Variants in SMC3 observed in about 807,000 individuals in gnomAD.
SMC3 encodes structural maintenance of chromosomes protein 3.
Under a neutral mutation model 171.8 loss-of-function variants are expected in SMC3, and 20 were observed. That is an observed-to-expected ratio of 0.12 (90% CI 0.08 to 0.17). The LOEUF (loss-of-function observed/expected upper bound fraction) is 0.17, where lower values mean the gene tolerates loss of function less well. Among genes scored for constraint, SMC3 ranks in the 10% least tolerant of loss-of-function variants. The probability of loss-of-function intolerance (pLI) is 1.00; values close to 1 mark genes in which losing one functional copy is unlikely to be tolerated. For missense variants in SMC3, 543 were observed against 1,420.4 expected (o/e 0.38, Z 9.93); for synonymous variants, 464 against 451.1 (o/e 1.03, Z -0.36).
chr10:110,593,297 C>T (rs1448492188), intron 18 of SMC3, 74 bp downstream of exon 18: 26 of 1,464,094 alleles, frequency 1.8e-5, no homozygotes, highest in Middle Eastern at 1.8e-4. Context: ...TCTGGCTGGG[C>T]GCAGTGGCTC....
intron 13 of SMC3, 47 bp downstream of exon 13, chr10:110,584,443 A>G (rs767108864): frequency 7.2e-7 from 1 of 1,383,342 alleles, no homozygotes; most frequent in South Asian, 1.2e-5. Flanking sequence ...AGAAGAGATA[A>G]ATGTGTTTAG....
chr10:110,574,120 G>T (rs12415399), intron 3 of SMC3, among the ~76,000 whole-genome samples: 1 of 152,194 alleles, frequency 6.6e-6, no homozygotes, highest in Non-Finnish European at 1.5e-5. Context: ...TATTTTAAAC[G>T]TATGTAAATG....
At chr10:110,598,430 A>C in intron 20 of SMC3, 140 bp downstream of exon 20, 1 of 873,008 alleles carries the variant, frequency 1.1e-6, no homozygotes, top group South Asian at 1.4e-5. Context: ...TTGAAGACAG[A>C]GTCTCTTTCT....
In SMC3 at chr10:110,583,476, T is replaced by A. The variant is rs967227703; in HGVS notation, c.897T>A (p.Ile299=). 3 of 1,613,960 alleles carry A rather than the reference T, an allele frequency of 1.9e-6. No homozygotes were observed. The African/African-American group carries it at 4.0e-5, about 22-fold the overall frequency. The change falls in exon 11 of 29, where the codon ATT becomes ATA. Residue 299 remains isoleucine (I), a synonymous_variant. Transcript: ENST00000361804. ...EQLSAERQEQ[I]KQRTKLELKA... is the part of the protein sequence containing the mutation. ...TTAGTGCTGAAAGACAAGAGCAGAT[T>A]AAGCAGAGGACTAAGTTGGAGCTTA...
rs1259700256 is a variant in SMC3, at chr10:110,583,366, T to C, written c.805-18T>C. ...GTACTTCTAATTGCCTTATTTTCTG[T>C]TTAATACTTTTGAATAGGATATCGA... On this transcript the variant is annotated intron_variant, in intron 10 of 28. Transcript: ENST00000361804. The C allele has an allele frequency of 6.2e-7, 1 of 1,604,284 alleles. No individual in the cohort carries two copies. The highest frequency in any genetic ancestry group is 2.2e-5 in the East Asian group (1 of 44,802).
At position 110,573,575 on chromosome 10, in the gene SMC3, C is replaced by CTGT. The variant is rs10658641; in HGVS notation, c.92-130_92-128dup. 587,448 of 598,790 alleles carry CTGT rather than the reference C, an allele frequency of 0.98. 288,357 individuals are homozygous for CTGT. The highest frequency in any genetic ancestry group is 1 in the South Asian group (48,723 of 48,906). The allele number at this position is 598,790 out of a possible 1,614,324, so 37.1% of individuals were successfully genotyped here. ...TTGTTTTATTGGTTTCTTTTGTTCA[C>CTGT]TGTTTAATTTCAGATGTTAAGATGT... On this transcript the variant is annotated intron_variant, in intron 2 of 28. Coordinates refer to ENST00000361804, the MANE Select transcript of SMC3 (RefSeq NM_005445.4).
chr10:110,601,374 A>G (rs571866072), intron 23 of SMC3, among the ~76,000 whole-genome samples: 2 of 152,324 alleles, frequency 1.3e-5, no homozygotes, highest in South Asian at 4.1e-4. Context: ...GAAATACCTG[A>G]CGAAAGTTTC....
chr10:110,600,564 T>G lies in SMC3; in HGVS notation c.2535+18T>G, dbSNP rs370144623. ...TAGAACAGGTGTGTATGTGTTTTTT[T>G]TTTTTTTTTTAAGGGCTCCTTGGTG... On this transcript the variant is annotated intron_variant, in intron 22 of 28. Coordinates refer to ENST00000361804, the MANE Select transcript of SMC3 (RefSeq NM_005445.4). 4.5e-4 allele frequency: 622 copies of G among 1,369,728 alleles called. 1 individual carries two copies. The highest frequency in any genetic ancestry group is 4.7e-4 in the Non-Finnish European group (451 of 958,422). 84.8% of individuals were successfully genotyped at this position (1,369,728 alleles called of 1,614,324 possible).
chr10:110,598,094 C>T (rs749767553), intron 19 of SMC3, 45 bp from the exon 20 acceptor site: 48 of 1,552,956 alleles, frequency 3.1e-5, no homozygotes, highest in African/African-American at 4.1e-5. Flanking sequence ...TAAGAACATA[C>T]GATATATTTA....
chr10:110,590,736 T>C (rs536404909), intron 16 of SMC3, among the ~76,000 whole-genome samples, 164 bp downstream of exon 16: 1 of 152,384 alleles, frequency 6.6e-6, no homozygotes, highest in Non-Finnish European at 1.5e-5. Flanking sequence ...TTCCTAATTA[T>C]AGAAGCTAGA....
chr10:110,590,543 C>T lies in SMC3; in HGVS notation c.1641C>T (p.Tyr547=), dbSNP rs1470948214. ...MNNFECEPAF[Y]TCVEVTAGNR... is the part of the protein sequence containing the mutation. The stretch of plus-strand genomic sequence containing the variant: ...ACTTTGAATGTGAACCAGCTTTCTA[C>T]ACATGCGTGGAAGTCACTGCTGGAA... Residue 547 remains tyrosine, a synonymous_variant, in exon 16 of 29, where the codon TAC becomes TAT. Transcript: ENST00000361804. 1.2e-6 allele frequency: 2 copies of T among 1,613,980 alleles called. No homozygotes were observed. The highest frequency in any genetic ancestry group is 2.7e-5 in the African/African-American group (2 of 74,930).
intron 20 of SMC3, among the ~76,000 whole-genome samples, chr10:110,598,521 C>CT (rs1313008753): frequency 1.3e-5 from 2 of 151,996 alleles, no homozygotes; most frequent in East Asian, 3.9e-4. Context: ...ATTTTCCTGT[C>CT]TCAGCCTCCT....
chr10:110,570,736 TATC>T (rs1282896973), intron 2 of SMC3, among the ~76,000 whole-genome samples: 1 of 152,202 alleles, frequency 6.6e-6, no homozygotes. Context: ...TTTTAGCTGT[TATC>T]AGTTAGTTGT....
rs555604800 is a variant in SMC3, at chr10:110,599,602, A to G, written c.2269-52A>G. On this transcript the variant is annotated intron_variant, in intron 20 of 28. Coordinates refer to ENST00000361804, the MANE Select transcript of SMC3 (RefSeq NM_005445.4). The stretch of plus-strand genomic sequence containing the variant: ...TATAGATTGTTTTAAAATTTTCACT[A>G]TAAGTAATACAGTGGCTAATACCTT... 4.0e-5 allele frequency: 60 copies of G among 1,498,268 alleles called. No individual in the cohort carries two copies. The South Asian group carries it at 5.4e-4, about 13-fold the overall frequency. 92.8% of individuals were successfully genotyped at this position (1,498,268 alleles called of 1,614,324 possible).
At chr10:110,592,833 A>G (rs1469772344) in intron 17 of SMC3, among the ~76,000 whole-genome samples, 1 of 152,242 alleles carries the variant, frequency 6.6e-6, no homozygotes, top group African/African-American at 2.4e-5. Flanking sequence ...GTCTAGCTTC[A>G]GAACCACTAA....
At chr10:110,586,808 C>T (rs529584715) in intron 13 of SMC3, among the ~76,000 whole-genome samples, 2 of 152,268 alleles carry the variant, frequency 1.3e-5, no homozygotes, top group South Asian at 2.1e-4. Context: ...CAGGCGCCCG[C>T]CACTGCTCCC....
At position 110,598,319 on chromosome 10, in the gene SMC3, C is replaced by T. The variant is rs547971522; in HGVS notation, c.2268+29C>T. ...CGTAAGTATATCTTTGGTTATAGAT[C>T]GATTGTTACAGATTAATAATATGGA... On this transcript the variant is annotated intron_variant, in intron 20 of 28. Coordinates refer to ENST00000361804, the MANE Select transcript of SMC3 (RefSeq NM_005445.4). The T allele has an allele frequency of 3.9e-5, 62 of 1,593,970 alleles. 1 individual carries two copies. The South Asian group carries it at 5.0e-4, about 13-fold the overall frequency.
At position 110,596,440 on chromosome 10, in the gene SMC3, A is replaced by G; in HGVS notation, c.2006A>G (p.Tyr669Cys). 6.2e-7 allele frequency: 1 copy of G among 1,614,104 alleles called. No individual in the cohort carries two copies. Among genetic ancestry groups the G allele is most frequent in the Non-Finnish European group, 8.5e-7 (1 of 1,179,986 alleles). ...CGGGGTGCTCTAACTGGGGGTTATT[A>G]TGACACAAGGAAGTCTCGACTTGAA... is the stretch of plus-strand genomic sequence containing the variant. ...SHRGALTGGY[Y>C]DTRKSRLELQ... The change falls in exon 19 of 29, where the codon TAT becomes TGT. Residue 669 changes from tyrosine (Y) to cysteine (C), a missense_variant. Tyr to Cys is a radical substitution (Grantham distance 194). Around this residue, in one of 8 missense-constraint regions of SMC3, gnomAD observed 218 missense variants for 509.6 expected, o/e 0.43. Transcript: ENST00000361804.
At chr10:110,588,217 C>G (rs1452060628) in intron 13 of SMC3, among the ~76,000 whole-genome samples, 1 of 152,162 alleles carries the variant, frequency 6.6e-6, no homozygotes, top group Admixed American at 6.5e-5. Flanking sequence ...GTCTCCATCT[C>G]TTGACTTCAT....
Sources: gnomAD v4.1 joint callset for allele counts (sites outside exome capture counted in the v4.1 genomes callset) on GRCh38, gnomAD v4.1.1 for gene constraint, gnomAD v4.1.1 regional missense constraint, MANE v1.5 for transcripts, NCBI Gene and HGNC (gene_info 2026-07-23, HGNC 2026-07-21) for gene names.